NECAB3: variants seen among roughly 807,000 people sequenced by gnomAD.
NECAB3 encodes the protein N-terminal EF-hand calcium-binding protein 3.
Under a neutral mutation model 57.2 loss-of-function variants are expected in NECAB3, and 38 were observed. The ratio of observed to expected loss-of-function variants is 0.66; its 90% CI spans 0.51 to 0.87. The LOEUF (loss-of-function observed/expected upper bound fraction) is 0.87, where lower values mean the gene tolerates loss of function less well. Among genes scored for constraint, NECAB3 ranks in the 40% least tolerant of loss-of-function variants. The pLI, the probability that NECAB3 is intolerant of heterozygous loss-of-function variation, is 0.00. For missense variants in NECAB3, 474 were observed against 527.5 expected, an observed-to-expected ratio of 0.90 and a Z score of 0.99; for synonymous variants, 223 against 222.6, an observed-to-expected ratio of 1.00 and a Z score of -0.02.
At chr20:33,662,567 T>TTC in intron 5 of NECAB3, 1 of 1,385,080 alleles carries the variant, frequency 7.2e-7, no homozygotes, top group Non-Finnish European at 9.8e-7. Context: ...AGTCTAGGCC[T>TTC]TGTATGCAGA....
In NECAB3 at chr20:33,663,879, G is replaced by A. The variant is rs530434940; in HGVS notation, c.388-3484C>T. ...GCCCGCAGCTTTAAACGCTTGGCCC[G>A]GACCCCGCCCAATAAAGAGTGCGTG... On this transcript the variant is annotated intron_variant, in intron 5 of 11. Transcript: ENST00000246190. The A allele has an allele frequency of 1.8e-4, 245 of 1,383,330 alleles. No homozygotes were observed. In the African/African-American group the frequency reaches 3.1e-3, roughly 17 times the overall value. 85.7% of individuals were successfully genotyped at this position (1,383,330 alleles called of 1,614,324 possible).
chr20:33,657,389 T>A lies in NECAB3; in HGVS notation c.*440A>T, dbSNP rs1448346411. The stretch of plus-strand genomic sequence containing the variant: ...CAGCCTCGGAGGCAAGGTTTGAGGG[T>A]TGGGGGGTCCCTGAGCATCAGCCCT... On this transcript the variant is annotated 3_prime_UTR_variant, in exon 12 of 12. Coordinates refer to ENST00000246190, the MANE Select transcript of NECAB3 (RefSeq NM_031232.4). 1.7e-5 allele frequency: 3 copies of A among 176,216 alleles called. No individual in the cohort carries two copies. The highest frequency in any genetic ancestry group is 3.6e-5 in the Non-Finnish European group (3 of 84,066). 10.9% of individuals were successfully genotyped at this position (176,216 alleles called of 1,614,324 possible).
At chr20:33,671,762 C>A (rs2017831191) in intron 2 of NECAB3, among the ~76,000 whole-genome samples, 1 of 152,168 alleles carries the variant, frequency 6.6e-6, no homozygotes, top group Non-Finnish European at 1.5e-5. Context: ...TGCCCAGGAC[C>A]CAAGGCAGGA....
intron 5 of NECAB3, chr20:33,663,675 G>A (rs1179411342): frequency 1.5e-5 from 24 of 1,588,726 alleles, no homozygotes; most frequent in East Asian, 2.3e-5. Context: ...GCGAGCGCGA[G>A]CCGAGGATGC....
chr20:33,660,243 C>T lies in NECAB3; in HGVS notation c.524+16G>A, dbSNP rs774192329. ...CTTGTGCACTAGCCCCACAGGTTGA[C>T]AGCACCCTTACATACCGCCAGCCAT... On this transcript the variant is annotated intron_variant, in intron 6 of 11. Coordinates refer to ENST00000246190, the MANE Select transcript of NECAB3 (RefSeq NM_031232.4). The surrounding 1 kb of genome is among the most constrained non-coding windows in gnomAD (Gnocchi z 4.1). 2 of 1,610,196 alleles carry T rather than the reference C, an allele frequency of 1.2e-6. No homozygotes were observed. The highest frequency in any genetic ancestry group is 1.7e-6 in the Non-Finnish European group (2 of 1,177,996).
At chr20:33,667,476 C>T (rs2017695542) in intron 5 of NECAB3, 3 of 1,466,996 alleles carry the variant, frequency 2.0e-6, no homozygotes, top group East Asian at 5.0e-5. Flanking sequence ...TGTTCGAGAC[C>T]CTGGCAGTGC....
rs752310224 is a variant in NECAB3, at chr20:33,669,737, T to A, written c.264-25A>T. The A allele has an allele frequency of 3.2e-6, 5 of 1,578,050 alleles. No homozygotes were observed. In the African/African-American group the frequency reaches 6.8e-5, roughly 21 times the overall value. On this transcript the variant is annotated intron_variant, in intron 3 of 11. Coordinates refer to ENST00000246190, the MANE Select transcript of NECAB3 (RefSeq NM_031232.4). Reference sequence around the variant, plus strand: ...GCTGCAGGGAAAAGAGAAGGCGCCCTTCAGACCTGGGCCTGGTAAACTGGG... The same window carrying A: ...GCTGCAGGGAAAAGAGAAGGCGCCCATCAGACCTGGGCCTGGTAAACTGGG...
chr20:33,673,033 T>C (rs1349879846), intron 1 of NECAB3, among the ~76,000 whole-genome samples: 2 of 152,162 alleles, frequency 1.3e-5, no homozygotes, highest in African/African-American at 4.8e-5. Context: ...TCTGAGGACC[T>C]TCGGCAGGCG....
chr20:33,663,701 T>TGCG (rs2017561651), intron 5 of NECAB3: 12 of 1,566,406 alleles, frequency 7.7e-6, no homozygotes, highest in East Asian at 7.1e-5. Flanking sequence ...CTGCTGCTGC[T>TGCG]GCGGCGGCAA....
intron 2 of NECAB3, 57 bp downstream of exon 2, chr20:33,672,341 C>A (rs1030018001): frequency 2.5e-6 from 4 of 1,606,690 alleles, no homozygotes; most frequent in Non-Finnish European, 3.4e-6. Flanking sequence ...TCTCCCTGGG[C>A]CTCCTGGATG....
Position 33,674,404 on chromosome 20 carries a change from C to T in NECAB3, c.-52G>A, listed in dbSNP as rs1601181600. 8.9e-7 allele frequency: 1 copy of T among 1,127,934 alleles called. No homozygotes were observed. Among genetic ancestry groups the T allele is most frequent in the Non-Finnish European group, 1.1e-6 (1 of 921,886 alleles). 69.9% of individuals were successfully genotyped at this position (1,127,934 alleles called of 1,614,324 possible). ...TGCGGTTGCTGCCGACCCTGGACGC[C>T]GCGGCGGACTCGGTGTGGCTAGAGG... On this transcript the variant is annotated 5_prime_UTR_variant, in exon 1 of 12. Coordinates refer to ENST00000246190, the MANE Select transcript of NECAB3 (RefSeq NM_031232.4).
At position 33,659,747 on chromosome 20, in the gene NECAB3, C is replaced by A; in HGVS notation, c.644-15G>T. ...TGAGCTGCGCCCTGTGTGTGGGGCC[C>A]GTGCAGGGTCAGGCAGGGGCCTCTC... On this transcript the variant is annotated splice_polypyrimidine_tract_variant and intron_variant, in intron 7 of 11. Coordinates refer to ENST00000246190, the MANE Select transcript of NECAB3 (RefSeq NM_031232.4). 6.4e-7 allele frequency: 1 copy of A among 1,572,894 alleles called. No individual in the cohort carries two copies. The highest frequency in any genetic ancestry group is 8.6e-7 in the Non-Finnish European group (1 of 1,162,808).
chr20:33,666,245 G>T (rs1400777939), intron 5 of NECAB3, among the ~76,000 whole-genome samples: 2 of 152,180 alleles, frequency 1.3e-5, no homozygotes, highest in African/African-American at 4.8e-5. Flanking sequence ...GGGGTAGGGG[G>T]CCACACATCT....
chr20:33,667,842 C>T, intron 5 of NECAB3: 2 of 1,610,198 alleles, frequency 1.2e-6, no homozygotes, highest in South Asian at 2.2e-5. Context: ...GCTGCGTCTG[C>T]CTCAGCAGTG....
intron 3 of NECAB3, among the ~76,000 whole-genome samples, chr20:33,669,980 G>A (rs188126359): frequency 1.3e-3 from 195 of 152,354 alleles, no homozygotes; most frequent in Middle Eastern, 3.4e-3. Flanking sequence ...GATGGATGTG[G>A]ACACAGGCCA....
At chr20:33,673,464 G>A (rs2017873890) in intron 1 of NECAB3, among the ~76,000 whole-genome samples, 1 of 152,194 alleles carries the variant, frequency 6.6e-6, no homozygotes, top group African/African-American at 2.4e-5. Context: ...GGGGTGCTAA[G>A]CTGGGAATGG....
chr20:33,674,527 C>T (rs1365357361), upstream of NECAB3: 19 of 532,496 alleles, frequency 3.6e-5, 2 homozygotes, highest in African/African-American at 1.6e-4. Flanking sequence ...CCAACTCCAG[C>T]GCCGCGGGCC....
intron 2 of NECAB3, among the ~76,000 whole-genome samples, chr20:33,671,314 C>T (rs2017823535): frequency 1.3e-5 from 2 of 152,124 alleles, no homozygotes; most frequent in African/African-American, 4.8e-5. Flanking sequence ...GGCATGTAAG[C>T]AGAGGCTGGG....
chr20:33,670,934 G>A, intron 2 of NECAB3, 142 bp from the exon 3 acceptor site: 1 of 620,742 alleles, frequency 1.6e-6, no homozygotes, highest in Non-Finnish European at 2.8e-6. Flanking sequence ...GAGGTCAGTG[G>A]GGGGCCTGAC....
Sources: gnomAD v4.1 joint callset for allele counts (sites outside exome capture counted in the v4.1 genomes callset) on GRCh38, gnomAD v4.1.1 for gene constraint, Gnocchi (gnomAD v3.1) non-coding constraint, MANE v1.5 for transcripts, NCBI Gene and HGNC (gene_info 2026-07-23, HGNC 2026-07-21) for gene names.